CATSPER4: variants seen among roughly 807,000 people sequenced by gnomAD.
CATSPER4 encodes the protein cation channel sperm associated 4.
A neutral mutation model predicts 54.4 loss-of-function variants in CATSPER4; 46 were observed. The ratio of observed to expected loss-of-function variants is 0.84; its 90% CI spans 0.67 to 1.08. The LOEUF is 1.08. Among genes scored for constraint, CATSPER4 ranks in the 50% least tolerant of loss-of-function variants. The pLI is 0.00. For synonymous variants in CATSPER4, 230 were observed against 231.9 expected (o/e 0.99, Z 0.08); for missense variants, 574 against 612.8 (o/e 0.94, Z 0.67).
chr1:26,198,132 G>A (rs1271586730), intron 5 of CATSPER4, 55 bp downstream of exon 5: 3 of 1,614,014 alleles, frequency 1.9e-6, no homozygotes, highest in African/African-American at 1.3e-5. Flanking sequence ...GGGCCCTTGG[G>A]TCATTGCAAA....
intron 3 of CATSPER4, among the ~76,000 whole-genome samples, chr1:26,196,693 G>A: frequency 6.6e-6 from 1 of 151,960 alleles, no homozygotes; most frequent in Non-Finnish European, 1.5e-5. Context: ...TTACAGGCTT[G>A]CACCACTGCA....
intron 2 of CATSPER4, 82 bp from the exon 3 acceptor site, chr1:26,193,705 C>A: frequency 1.2e-6 from 1 of 868,606 alleles, no homozygotes; most frequent in South Asian, 1.3e-5. Flanking sequence ...CCCTCCCCTA[C>A]ATACATCCTC....
rs561742837 is a variant in CATSPER4, at chr1:26,199,598, CAA to C, written c.813-274_813-273del. ...TGGGCAACACAGCGAGACTCCATCT[CAA>C]AAAAAAAAAAAGGAGTGTAGCTAAT... On this transcript the variant is annotated intron_variant, in intron 6 of 9. Transcript: ENST00000456354. 3.5e-4 allele frequency among the ~76,000 whole-genome samples: 40 copies of C among 113,780 alleles called. 2 individuals are homozygous for C. Among genetic ancestry groups the C allele is most frequent in the South Asian group, 2.3e-3 (8 of 3,526 alleles). 74.6% of individuals were successfully genotyped at this position (113,780 alleles called of 152,430 possible).
intron 2 of CATSPER4, among the ~76,000 whole-genome samples, chr1:26,191,694 T>C (rs2088870986): frequency 6.6e-6 from 1 of 151,964 alleles, no homozygotes; most frequent in African/African-American, 2.4e-5. Context: ...GGCAAATGGG[T>C]GCCTTGTGGA....
At chr1:26,195,627 G>A (rs1398826168) in intron 3 of CATSPER4, among the ~76,000 whole-genome samples, 2 of 151,246 alleles carry the variant, frequency 1.3e-5, no homozygotes, top group African/African-American at 2.4e-5. Context: ...TCAGCCTCCC[G>A]AGTAGCTGGG....
intron 2 of CATSPER4, 25 bp from the exon 3 acceptor site, chr1:26,193,762 T>G (rs2088902343): frequency 1.3e-6 from 2 of 1,532,258 alleles, no homozygotes; most frequent in African/African-American, 2.7e-5. Context: ...TCTCTGCCCC[T>G]CTTTTTTCTC....
chr1:26,198,130 G>A, intron 5 of CATSPER4, 53 bp downstream of exon 5: 1 of 1,614,040 alleles, frequency 6.2e-7, no homozygotes, highest in Non-Finnish European at 8.5e-7. Flanking sequence ...CAGGGCCCTT[G>A]GGTCATTGCA....
chr1:26,195,041 G>A (rs1461440929), intron 3 of CATSPER4, among the ~76,000 whole-genome samples: 10 of 152,092 alleles, frequency 6.6e-5, no homozygotes, highest in Non-Finnish European at 1.5e-4. Flanking sequence ...CTGAGATTGC[G>A]CCACTGCACT....
intron 2 of CATSPER4, among the ~76,000 whole-genome samples, chr1:26,192,720 C>G (rs2088886000): frequency 6.6e-6 from 1 of 152,050 alleles, no homozygotes; most frequent in Non-Finnish European, 1.5e-5. Context: ...AGCCACCATG[C>G]TGGGCTGAGG....
At chr1:26,194,776 C>CT (rs370376862) in intron 3 of CATSPER4, among the ~76,000 whole-genome samples, 21 of 150,664 alleles carry the variant, frequency 1.4e-4, no homozygotes, top group Admixed American at 5.3e-4. Context: ...CATTGAAGAA[C>CT]TTTTTTTTTT....
chr1:26,192,378 T>C (rs920493625), intron 2 of CATSPER4, among the ~76,000 whole-genome samples: 7 of 151,864 alleles, frequency 4.6e-5, no homozygotes, highest in African/African-American at 1.7e-4. Context: ...TCACCTGAGG[T>C]CAGGAGTTCA....
At chr1:26,196,633 A>G (rs2088942096) in intron 3 of CATSPER4, among the ~76,000 whole-genome samples, 1 of 151,690 alleles carries the variant, frequency 6.6e-6, no homozygotes, top group African/African-American at 2.4e-5. Flanking sequence ...CTGGTCTGGA[A>G]CTCCTGAGCT....
At position 26,190,858 on chromosome 1, in the gene CATSPER4, C is replaced by A; in HGVS notation, c.213+18C>A. ...ACAAAGCGGTAAGGATAGCTCTCGC[C>A]CCACAGTGGCCCCTTCTGCAGCTGT... is the stretch of plus-strand genomic sequence containing the variant. On this transcript the variant is annotated intron_variant, in intron 1 of 9. Coordinates refer to ENST00000456354, the MANE Select transcript of CATSPER4 (RefSeq NM_198137.2). 1.3e-6 allele frequency: 2 copies of A among 1,582,272 alleles called. No homozygotes were observed. Among genetic ancestry groups the A allele is most frequent in the Non-Finnish European group, 1.7e-6 (2 of 1,163,200 alleles).
chr1:26,196,246 G>A (rs1393168062), intron 3 of CATSPER4, among the ~76,000 whole-genome samples: 1 of 146,186 alleles, frequency 6.8e-6, no homozygotes, highest in Non-Finnish European at 1.5e-5. Context: ...GCCTCTCAAA[G>A]CACCAGGATT....
At chr1:26,195,993 T>C (rs2088934028) in intron 3 of CATSPER4, among the ~76,000 whole-genome samples, 1 of 152,184 alleles carries the variant, frequency 6.6e-6, no homozygotes, top group Admixed American at 6.5e-5. Flanking sequence ...ATTTTTACAA[T>C]AATCAGCAAA....
chr1:26,197,616 G>T, intron 3 of CATSPER4, 70 bp from the exon 4 acceptor site: 1 of 1,043,436 alleles, frequency 9.6e-7, no homozygotes, highest in Non-Finnish European at 1.5e-6. Context: ...TGGGATGTGG[G>T]GAGGGCAGAC....
intron 2 of CATSPER4, 106 bp downstream of exon 2, chr1:26,191,536 T>C: frequency 7.5e-7 from 1 of 1,341,582 alleles, no homozygotes; most frequent in South Asian, 1.2e-5. Flanking sequence ...TTGGATTGGA[T>C]GCTCTTCAAG....
chr1:26,202,282 C>A (rs1296433591), intron 9 of CATSPER4, among the ~76,000 whole-genome samples: 2 of 152,130 alleles, frequency 1.3e-5, no homozygotes, highest in African/African-American at 4.8e-5. Context: ...TACTTAGTTT[C>A]TTTTTCTGCC....
intron 1 of CATSPER4, 110 bp from the exon 2 acceptor site, chr1:26,191,177 T>A (rs900001219): frequency 2.0e-5 from 26 of 1,277,308 alleles, no homozygotes; most frequent in Admixed American, 2.0e-4. Flanking sequence ...CTCAGATGAT[T>A]TCCCCCCTCT....
Sources: allele counts gnomAD v4.1 joint callset (sites outside exome capture counted in the v4.1 genomes callset), GRCh38; gene constraint gnomAD v4.1.1; transcripts MANE v1.5; gene names NCBI Gene and HGNC (gene_info 2026-07-23, HGNC 2026-07-21).